DCHS2: variants seen among roughly 807,000 people sequenced by gnomAD.
DCHS2 encodes the protein dachsous cadherin-related 2.
Under a neutral mutation model 182.4 loss-of-function variants are expected in DCHS2, and 142 were observed. That is an observed-to-expected ratio of 0.78 (90% CI 0.68 to 0.89). DCHS2 has a LOEUF of 0.89. Ranked by LOEUF, DCHS2 falls within the 40% of genes least tolerant of loss-of-function variation. The probability of loss-of-function intolerance (pLI) is 0.00; values close to 1 mark genes in which losing one functional copy is unlikely to be tolerated. For synonymous variants in DCHS2, 1,740 were observed against 1,663.3 expected, an observed-to-expected ratio of 1.05 and a Z score of -1.12; for missense variants, 4,319 against 4,198.6, an observed-to-expected ratio of 1.03 and a Z score of -0.79.
rs758469636 is a variant in DCHS2, at chr4:154,304,656, C to T, written c.5605+13G>A. The T allele has an allele frequency of 6.3e-7, 1 of 1,594,018 alleles. No individual in the cohort carries two copies. The highest frequency in any genetic ancestry group is 8.5e-7 in the Non-Finnish European group (1 of 1,169,772). On this transcript the variant is annotated intron_variant, in intron 12 of 19. Coordinates refer to ENST00000357232, the MANE Select transcript of DCHS2 (RefSeq NM_001358235.2). ...AAAAACAAACAAACAAACAAACAAA[C>T]AAACAAACTTACCAATTATGTGATA...
At chr4:154,251,286 C>A (rs1278158280) in intron 16 of DCHS2, among the ~76,000 whole-genome samples, 2 of 152,144 alleles carry the variant, frequency 1.3e-5, no homozygotes, top group Non-Finnish European at 2.9e-5. Flanking sequence ...TCATTCACAT[C>A]ATAAAATAAG....
At chr4:154,486,645 G>A in intron 1 of DCHS2, 9 of 945,122 alleles carry the variant, frequency 9.5e-6, no homozygotes, top group South Asian at 3.4e-5. Context: ...GCAAGATGGG[G>A]GAGTTGGTTT....
intron 14 of DCHS2, among the ~76,000 whole-genome samples, chr4:154,266,204 C>A (rs548449772): frequency 1.3e-5 from 2 of 152,076 alleles, no homozygotes; most frequent in Non-Finnish European, 2.9e-5. Context: ...GATGGTATGT[C>A]AGGAGAAGGA....
chr4:154,313,108 G>A (rs943505533), intron 10 of DCHS2, among the ~76,000 whole-genome samples: 1 of 152,128 alleles, frequency 6.6e-6, no homozygotes, highest in Non-Finnish European at 1.5e-5. Flanking sequence ...ATTTCAGTGT[G>A]GCAATATACT....
rs573751829 is a variant in DCHS2 at position 154,308,724 on chromosome 4, C to T, written c.5261-3493G>A. Among the ~76,000 whole-genome samples, 21 of 152,242 alleles carry T rather than the reference C, an allele frequency of 1.4e-4. No homozygotes were observed. The East Asian group carries it at 4.1e-3, about 29-fold the overall frequency. ...GTCATTAATTATCTCATTGTATTAA[C>T]ATATATAAAGAGTGATCTTAGGTGC... On this transcript the variant is annotated intron_variant, in intron 10 of 19. Transcript: ENST00000357232.
chr4:154,345,143 C>T (rs1373591183), intron 3 of DCHS2, among the ~76,000 whole-genome samples: 3 of 152,282 alleles, frequency 2.0e-5, no homozygotes, highest in Admixed American at 6.5e-5. Context: ...CTGGCTGTGC[C>T]TTCTCCCAAG....
intron 7 of DCHS2, among the ~76,000 whole-genome samples, chr4:154,327,327 A>G (rs1736322313): frequency 6.6e-6 from 1 of 152,146 alleles, no homozygotes; most frequent in African/African-American, 2.4e-5. Context: ...ATCTTTGGAA[A>G]CTGCTAAGTT....
At chr4:154,374,258 T>C (rs961561542) in intron 2 of DCHS2, 3 of 348,590 alleles carry the variant, frequency 8.6e-6, no homozygotes, top group East Asian at 5.4e-5. Context: ...TGGAAACTAG[T>C]TGAATCAACA....
intron 14 of DCHS2, among the ~76,000 whole-genome samples, chr4:154,263,792 TC>T: frequency 6.6e-6 from 1 of 151,872 alleles, no homozygotes; most frequent in East Asian, 1.9e-4. Flanking sequence ...AAGAACAAAC[TC>T]ATGAATACAA....
At chr4:154,480,024 A>G (rs1349972635) in intron 1 of DCHS2, among the ~76,000 whole-genome samples, 1 of 152,246 alleles carries the variant, frequency 6.6e-6, no homozygotes, top group Non-Finnish European at 1.5e-5. Context: ...CCTACTTAAA[A>G]TAATCTATAC....
At chr4:154,468,929 G>A (rs1484004643) in intron 1 of DCHS2, among the ~76,000 whole-genome samples, 1 of 152,142 alleles carries the variant, frequency 6.6e-6, no homozygotes, top group Non-Finnish European at 1.5e-5. Flanking sequence ...GAGACGTGAA[G>A]AAGGAAGGAA....
intron 16 of DCHS2, among the ~76,000 whole-genome samples, chr4:154,248,800 A>G (rs1732210781): frequency 6.6e-6 from 1 of 152,192 alleles, no homozygotes; most frequent in Non-Finnish European, 1.5e-5. Context: ...CAACCATTCA[A>G]TCTTTGACAA....
chr4:154,240,344 C>T (rs139510224), intron 18 of DCHS2, among the ~76,000 whole-genome samples, 193 bp downstream of exon 18: 67 of 151,734 alleles, frequency 4.4e-4, no homozygotes, highest in African/African-American at 1.4e-3. Flanking sequence ...TAAACTAAAC[C>T]GAATGAGACA....
At chr4:154,350,647 C>T (rs1314392042) in intron 3 of DCHS2, among the ~76,000 whole-genome samples, 1 of 152,174 alleles carries the variant, frequency 6.6e-6, no homozygotes, top group Admixed American at 6.5e-5. Context: ...ATATCCATAA[C>T]TGCACAGCAA....
chr4:154,291,416 T>C (rs1734655327), intron 13 of DCHS2, among the ~76,000 whole-genome samples: 1 of 152,174 alleles, frequency 6.6e-6, no homozygotes. Context: ...AATAGAGCTA[T>C]CATATGATCC....
chr4:154,341,142 G>A (rs1729054165), intron 3 of DCHS2, among the ~76,000 whole-genome samples: 1 of 152,168 alleles, frequency 6.6e-6, no homozygotes, highest in Admixed American at 6.5e-5. Context: ...GCCGAGGCGG[G>A]TGGATCACGA....
intron 1 of DCHS2, among the ~76,000 whole-genome samples, chr4:154,428,521 A>C (rs925262746): frequency 6.6e-6 from 1 of 152,220 alleles, no homozygotes; most frequent in Non-Finnish European, 1.5e-5. Context: ...CTTGGGTAAC[A>C]AAGTGAGACC....
chr4:154,471,019 C>T (rs1735442424), intron 1 of DCHS2, among the ~76,000 whole-genome samples: 1 of 152,174 alleles, frequency 6.6e-6, no homozygotes, highest in Non-Finnish European at 1.5e-5. Flanking sequence ...TCAAAACTTA[C>T]CTTCTTCCAG....
At chr4:154,409,135 G>T (rs1205080702) in intron 1 of DCHS2, among the ~76,000 whole-genome samples, 1 of 152,140 alleles carries the variant, frequency 6.6e-6, no homozygotes, top group African/African-American at 2.4e-5. Flanking sequence ...AGTCCTACAG[G>T]CCAAGTGACC....
Sources: gnomAD v4.1 joint callset for allele counts (sites outside exome capture counted in the v4.1 genomes callset) on GRCh38, gnomAD v4.1.1 for gene constraint, MANE v1.5 for transcripts, NCBI Gene and HGNC (gene_info 2026-07-23, HGNC 2026-07-21) for gene names.